The following DNAH6 variants were observed in gnomAD, a reference collection of about 807,000 sequenced individuals.
DNAH6 encodes the protein dynein axonemal heavy chain 6.
A neutral mutation model predicts 491.4 loss-of-function variants in DNAH6; 340 were observed. That is an observed-to-expected ratio of 0.69 (90% CI 0.63 to 0.76). The LOEUF is 0.76. Among genes scored for constraint, DNAH6 ranks in the 30% least tolerant of loss-of-function variants. The pLI, the probability that DNAH6 is intolerant of heterozygous loss-of-function variation, is 0.00. For missense variants in DNAH6, 4,443 were observed against 4,972.2 expected, an observed-to-expected ratio of 0.89 and a Z score of 3.20; for synonymous variants, 1,603 against 1,686.1, an observed-to-expected ratio of 0.95 and a Z score of 1.21.
chr2:84,795,462 ATAAAC>A (rs1176183875), intron 68 of DNAH6, among the ~76,000 whole-genome samples: 11 of 151,662 alleles, frequency 7.3e-5, no homozygotes, highest in Admixed American at 3.3e-4. Context: ...AAATTGGAAA[ATAAAC>A]TAATTATAAA....
chr2:84,592,306 A>G (rs923436085), intron 16 of DNAH6, among the ~76,000 whole-genome samples: 2 of 152,204 alleles, frequency 1.3e-5, no homozygotes, highest in African/African-American at 4.8e-5. Context: ...ACATTTCTCT[A>G]AAGAAGACAT....
Position 84,544,431 on chromosome 2 carries a change from G to A in DNAH6, c.861G>A (p.Lys287=). The part of the protein sequence containing the change: ...RKWKAFSVWR[K]NVRSKKITGC... ...GGAAGGCTTTTAGTGTATGGAGGAAGAATGTCCGCTCCAAGAAAATCACTG... is the reference window on the plus strand; with the variant it reads ...GGAAGGCTTTTAGTGTATGGAGGAAAAATGTCCGCTCCAAGAAAATCACTG... The change falls in exon 5 of 77, where the codon AAG becomes AAA. Residue 287 remains lysine (K), a synonymous_variant. Coordinates refer to ENST00000389394, the MANE Select transcript of DNAH6 (RefSeq NM_001370.2). 6.5e-7 allele frequency: 1 copy of A among 1,540,590 alleles called. No homozygotes were observed. The highest frequency in any genetic ancestry group is 8.8e-7 in the Non-Finnish European group (1 of 1,137,186).
intron 43 of DNAH6, among the ~76,000 whole-genome samples, chr2:84,686,101 T>C (rs1487899567): frequency 4.6e-5 from 7 of 151,272 alleles, no homozygotes; most frequent in African/African-American, 1.7e-4. Context: ...GGCAAGAGAA[T>C]CATGTGAACC....
the DNAH6 span, among the ~76,000 whole-genome samples, chr2:84,501,405 G>A: frequency 2.0e-5 from 3 of 151,816 alleles, no homozygotes; most frequent in Non-Finnish European, 1.5e-5. Flanking sequence ...TCTTTCTAAT[G>A]TATTGTTGAA....
chr2:84,549,302 T>G (rs1679094270), intron 8 of DNAH6, among the ~76,000 whole-genome samples: 1 of 152,222 alleles, frequency 6.6e-6, no homozygotes, highest in South Asian at 2.1e-4. Context: ...CAGAAATCAG[T>G]GAAGCGGTCT....
At chr2:84,746,775 A>C (rs972831644) in intron 63 of DNAH6, among the ~76,000 whole-genome samples, 2 of 152,184 alleles carry the variant, frequency 1.3e-5, no homozygotes, top group African/African-American at 4.8e-5. Flanking sequence ...TTTGGCTCAC[A>C]GTTCTGCGGC....
intron 59 of DNAH6, 141 bp downstream of exon 59, chr2:84,718,525 C>G: frequency 1.8e-6 from 1 of 561,522 alleles, no homozygotes; most frequent in Non-Finnish European, 2.8e-6. Context: ...GGGTGCCTGC[C>G]TGTCAGGGCT....
Position 84,718,349 on chromosome 2 carries a change from A to C in DNAH6, c.9757A>C (p.Asn3253His), listed in dbSNP as rs1039274265. The C allele has an allele frequency of 2.1e-5, 32 of 1,543,854 alleles. No individual in the cohort carries two copies. Among genetic ancestry groups the C allele is most frequent in the Non-Finnish European group, 2.7e-5 (31 of 1,144,974 alleles). ...LFTSEGNILD[N>H]EELIDTLQDS... Reference sequence around the variant, plus strand: ...TACCTCTGAAGGAAATATTCTGGACAATGAAGAACTTATTGACACACTCCA... The same window carrying C: ...TACCTCTGAAGGAAATATTCTGGACCATGAAGAACTTATTGACACACTCCA... The change falls in exon 59 of 77, where the codon AAT becomes CAT. Residue 3253 changes from asparagine (N) to histidine (H), a missense_variant. By Grantham distance (68) the Asn-to-His change is moderately conservative. Around this residue, in one of 3 missense-constraint regions of DNAH6, gnomAD observed 1,463 missense variants for 1,656.6 expected, o/e 0.88. Coordinates refer to ENST00000389394, the MANE Select transcript of DNAH6 (RefSeq NM_001370.2).
intron 18 of DNAH6, among the ~76,000 whole-genome samples, chr2:84,601,485 G>T (rs1685244103): frequency 6.6e-6 from 1 of 152,002 alleles, no homozygotes; most frequent in African/African-American, 2.4e-5. Context: ...TCTCTGATAA[G>T]ATTCCTTGTT....
chr2:84,721,643 T>G (rs1335523078), intron 59 of DNAH6, among the ~76,000 whole-genome samples: 1 of 152,252 alleles, frequency 6.6e-6, no homozygotes, highest in African/African-American at 2.4e-5. Context: ...TATAATATTT[T>G]GGGTAGATTA....
chr2:84,747,736 C>T (rs1200584934), intron 63 of DNAH6, among the ~76,000 whole-genome samples: 3 of 152,182 alleles, frequency 2.0e-5, no homozygotes, highest in Admixed American at 2.0e-4. Context: ...ATGGGGATCC[C>T]ACCCCTACAG....
chr2:84,523,097 T>C (rs899875098), intron 2 of DNAH6, among the ~76,000 whole-genome samples: 2 of 151,972 alleles, frequency 1.3e-5, no homozygotes, highest in Admixed American at 1.3e-4. Flanking sequence ...CATCTGGTCA[T>C]TGCTAGGCTA....
chr2:84,748,243 G>A (rs545540245), intron 63 of DNAH6, among the ~76,000 whole-genome samples: 3 of 152,196 alleles, frequency 2.0e-5, no homozygotes, highest in East Asian at 3.9e-4. Context: ...ACATAAGCAC[G>A]CTACAAATTT....
At position 84,607,081 on chromosome 2, in the gene DNAH6, T is replaced by G. The variant is rs377717833; in HGVS notation, c.3280T>G (p.Phe1094Val). Reference sequence around the variant, plus strand: ...TGAATGGCAAAAACAACTTGCTTTATTTAATCAAACACTGGTGAGTAAGAA... The same window carrying G: ...TGAATGGCAAAAACAACTTGCTTTAGTTAATCAAACACTGGTGAGTAAGAA... ...VDEWQKQLALFNQTLEEWLTC... is the reference protein window; with the variant it reads ...VDEWQKQLALVNQTLEEWLTC... Residue 1094 changes from phenylalanine (F) to valine (V), a missense_variant, in exon 21 of 77, where the codon TTT becomes GTT. Transcript: ENST00000389394. The G allele has an allele frequency of 6.4e-7, 1 of 1,551,330 alleles. No individual in the cohort carries two copies. Among genetic ancestry groups the G allele is most frequent in the African/African-American group, 1.4e-5 (1 of 73,050 alleles).
chr2:84,690,253 G>A (rs542260820), intron 45 of DNAH6, among the ~76,000 whole-genome samples: 6 of 152,130 alleles, frequency 3.9e-5, no homozygotes, highest in Admixed American at 3.3e-4. Flanking sequence ...TAAACCATAA[G>A]CAAATAAAGT....
intron 70 of DNAH6, among the ~76,000 whole-genome samples, chr2:84,805,052 A>G (rs1679285343): frequency 6.6e-6 from 1 of 152,122 alleles, no homozygotes; most frequent in Non-Finnish European, 1.5e-5. Flanking sequence ...GGCTAAAGCA[A>G]TCCCTTTTGG....
At chr2:84,686,371 T>A in intron 43 of DNAH6, 113 bp from the exon 44 acceptor site, 1 of 640,714 alleles carries the variant, frequency 1.6e-6, no homozygotes, top group African/African-American at 1.9e-5. Context: ...TTTTTATGTA[T>A]ATTAATTAAG....
Position 84,805,668 on chromosome 2 carries a change from A to C in DNAH6, c.11485A>C (p.Lys3829Gln), listed in dbSNP as rs2105317439. ...HENANLVFQY[K>Q]ETSTLINTIL... ...CTGTCTCTTATTGCCATTACAGTAC[A>C]AAGAGACCAGCACTTTAATCAACAC... Residue 3829 changes from lysine (K) to glutamine (Q), a missense_variant, in exon 71 of 77, where the codon AAA becomes CAA. Lys to Gln is a moderately conservative substitution (Grantham distance 53). Around this residue, in one of 3 missense-constraint regions of DNAH6, gnomAD observed 1,463 missense variants for 1,656.6 expected, o/e 0.88. Transcript: ENST00000389394. 1 of 1,550,632 alleles carries C rather than the reference A, an allele frequency of 6.4e-7. No homozygotes were observed. Among genetic ancestry groups the C allele is most frequent in the East Asian group, 2.4e-5 (1 of 40,888 alleles).
intron 71 of DNAH6, among the ~76,000 whole-genome samples, chr2:84,807,972 G>GATC (rs1679585188): frequency 6.6e-6 from 1 of 152,062 alleles, no homozygotes; most frequent in Non-Finnish European, 1.5e-5. Flanking sequence ...GTCTTTCTAT[G>GATC]ATCTCACTTA....
Sources: allele counts gnomAD v4.1 joint callset (sites outside exome capture counted in the v4.1 genomes callset), GRCh38; gene constraint gnomAD v4.1.1; regional missense constraint gnomAD v4.1.1; transcripts MANE v1.5; gene names NCBI Gene and HGNC (gene_info 2026-07-23, HGNC 2026-07-21).